NRG3: variants seen among roughly 807,000 people sequenced by gnomAD.
The protein encoded by NRG3 is neuregulin 3.
NRG3 carries 31 observed loss-of-function variants against 66.9 expected under a neutral mutation model. The observed-to-expected ratio is 0.46, with a 90% confidence interval of 0.35 to 0.63. NRG3 has a LOEUF of 0.63. Ranked by LOEUF, NRG3 falls within the 20% of genes least tolerant of loss-of-function variation. NRG3 has a pLI of 0.00. For synonymous variants in NRG3, 393 were observed against 359.4 expected (o/e 1.09, Z -1.06); for missense variants, 910 against 878.9 (o/e 1.04, Z -0.45).
intron 2 of NRG3, among the ~76,000 whole-genome samples, chr10:82,389,434 A>C (rs1471244454): frequency 2.0e-5 from 3 of 152,164 alleles, no homozygotes; most frequent in African/African-American, 4.8e-5. Context: ...ATTTTACTTC[A>C]CATTCTCATA....
Position 82,538,160 on chromosome 10 carries a change from A to G in NRG3, c.953+179292A>G, listed in dbSNP as rs79831997. On this transcript the variant is annotated intron_variant, in intron 2 of 8. Coordinates refer to ENST00000372141, the MANE Select transcript of NRG3 (RefSeq NM_001010848.4). Reference sequence around the variant, plus strand: ...TACCTTACCTCATTTGATAGTCACAACATTCTAGCAAAAGCTCAGTTTATC... The same window carrying G: ...TACCTTACCTCATTTGATAGTCACAGCATTCTAGCAAAAGCTCAGTTTATC... Among the ~76,000 whole-genome samples the G allele has an allele frequency of 8.8e-3, 1,334 of 152,256 alleles. 18 individuals carry two copies. Among genetic ancestry groups the G allele is most frequent in the African/African-American group, 0.03 (1,230 of 41,552 alleles).
intron 1 of NRG3, among the ~76,000 whole-genome samples, chr10:82,201,578 A>G (rs1409798359): frequency 5.9e-5 from 9 of 152,176 alleles, no homozygotes; most frequent in Admixed American, 5.9e-4. Flanking sequence ...TAATAGCGGT[A>G]TTGAGAAGGC....
intron 1 of NRG3, among the ~76,000 whole-genome samples, chr10:82,118,269 T>C (rs1375812915): frequency 6.6e-6 from 1 of 151,864 alleles, no homozygotes; most frequent in Admixed American, 6.6e-5. Flanking sequence ...CACATATAAT[T>C]TTAGGCTGTG....
At chr10:82,691,102 C>T (rs755108871) in intron 2 of NRG3, among the ~76,000 whole-genome samples, 11 of 152,124 alleles carry the variant, frequency 7.2e-5, no homozygotes, top group Admixed American at 2.0e-4. Context: ...AGAATCCCGA[C>T]GAACAAAAAT....
chr10:82,198,808 C>A (rs1173252274), intron 1 of NRG3, among the ~76,000 whole-genome samples: 1 of 151,936 alleles, frequency 6.6e-6, no homozygotes, highest in African/African-American at 2.4e-5. Flanking sequence ...ACCAGCCTGA[C>A]CAACATGGTG....
At chr10:82,250,528 C>T (rs2077435113) in intron 1 of NRG3, among the ~76,000 whole-genome samples, 1 of 152,076 alleles carries the variant, frequency 6.6e-6, no homozygotes, top group Admixed American at 6.6e-5. Context: ...GCGGAGATTG[C>T]AATTAGCCAA....
intron 2 of NRG3, among the ~76,000 whole-genome samples, chr10:82,544,852 G>T (rs751817710): frequency 6.6e-6 from 1 of 152,132 alleles, no homozygotes; most frequent in Non-Finnish European, 1.5e-5. Context: ...AAAGTAAAAA[G>T]CAAAGTTTCT....
intron 2 of NRG3, among the ~76,000 whole-genome samples, chr10:82,506,126 T>C (rs940379195): frequency 1.3e-5 from 2 of 152,146 alleles, no homozygotes; most frequent in South Asian, 4.1e-4. Flanking sequence ...CACGTGCCTG[T>C]AACCCCAGCT....
At chr10:82,276,976 C>CA (rs140721832) in intron 1 of NRG3, among the ~76,000 whole-genome samples, 2 of 151,780 alleles carry the variant, frequency 1.3e-5, no homozygotes, top group East Asian at 1.9e-4. Context: ...TTTAGAATTA[C>CA]AAAAAAATGT....
chr10:82,513,082 G>A (rs1027412674), intron 2 of NRG3, among the ~76,000 whole-genome samples: 4 of 152,164 alleles, frequency 2.6e-5, no homozygotes, highest in African/African-American at 9.7e-5. Flanking sequence ...GCATGCATTA[G>A]CTATCTATCC....
chr10:82,442,018 C>A (rs566501084), intron 2 of NRG3, among the ~76,000 whole-genome samples: 1 of 152,096 alleles, frequency 6.6e-6, no homozygotes, highest in Non-Finnish European at 1.5e-5. Flanking sequence ...TCCTCAAGTT[C>A]GAATTTCTTC....
chr10:82,276,479 A>G (rs1004681086), intron 1 of NRG3, among the ~76,000 whole-genome samples: 2 of 152,190 alleles, frequency 1.3e-5, no homozygotes, highest in South Asian at 2.1e-4. Flanking sequence ...CCCTTTCTCC[A>G]GGAAGATGTA....
At position 82,006,021 on chromosome 10, in the gene NRG3, C is replaced by T. The variant is rs546411828; in HGVS notation, c.823+129858C>T. 2.6e-5 allele frequency among the ~76,000 whole-genome samples: 4 copies of T among 151,568 alleles called. No individual in the cohort carries two copies. The South Asian group carries it at 6.2e-4, about 24-fold the overall frequency. ...TTAAAGATCAAATTTTTAGGTTGTA[C>T]GTTGTGTCTGTCTTCAGCTGTGTAA... On this transcript the variant is annotated intron_variant, in intron 1 of 8. Transcript: ENST00000372141.
chr10:82,346,430 G>A (rs1392028997), intron 1 of NRG3, among the ~76,000 whole-genome samples: 3 of 140,908 alleles, frequency 2.1e-5, no homozygotes, highest in East Asian at 4.2e-4. Flanking sequence ...TGATCATGGT[G>A]GATAAGCTTT....
chr10:82,373,170 G>A (rs2085000505), intron 2 of NRG3, among the ~76,000 whole-genome samples: 1 of 152,184 alleles, frequency 6.6e-6, no homozygotes, highest in Non-Finnish European at 1.5e-5. Flanking sequence ...TACCATATTG[G>A]CACATATAGC....
intron 2 of NRG3, among the ~76,000 whole-genome samples, chr10:82,665,263 C>T (rs576837867): frequency 3.4e-4 from 52 of 152,280 alleles, no homozygotes; most frequent in African/African-American, 7.7e-4. Context: ...TCCTATAGCA[C>T]GTACTTCTTC....
intron 2 of NRG3, among the ~76,000 whole-genome samples, chr10:82,521,787 C>G (rs1846214715): frequency 1.3e-5 from 2 of 152,176 alleles, no homozygotes; most frequent in Non-Finnish European, 2.9e-5. Context: ...TCAATCCTCT[C>G]AAACCCAGCA....
chr10:82,015,652 T>A (rs971805634), intron 1 of NRG3, among the ~76,000 whole-genome samples: 1 of 152,102 alleles, frequency 6.6e-6, no homozygotes, highest in African/African-American at 2.4e-5. Flanking sequence ...AGAAGGTGAC[T>A]TAATTGACAT....
chr10:82,203,892 TA>T (rs1250288740), intron 1 of NRG3, among the ~76,000 whole-genome samples: 2 of 152,206 alleles, frequency 1.3e-5, no homozygotes, highest in Admixed American at 1.3e-4. Context: ...TAATGCAGTC[TA>T]CTGCATTAAG....
Sources: allele counts gnomAD v4.1 joint callset (sites outside exome capture counted in the v4.1 genomes callset), GRCh38; gene constraint gnomAD v4.1.1; transcripts MANE v1.5; gene names NCBI Gene and HGNC (gene_info 2026-07-23, HGNC 2026-07-21).